CDKN2B-AS1: variants seen among roughly 807,000 people sequenced by gnomAD.
CDKN2B-AS1 encodes CDKN2B antisense RNA 1 (non-protein coding).
chr9:22,027,534 A>C (rs1822291783), intron 1 of CDKN2B-AS1, among the ~76,000 whole-genome samples: 2 of 152,230 alleles, frequency 1.3e-5, no homozygotes, highest in South Asian at 4.1e-4. Flanking sequence ...AAACAATATT[A>C]GTATTAGAAA....
chr9:22,003,804 C>T (rs1384678517), intron 1 of CDKN2B-AS1: 6 of 231,690 alleles, frequency 2.6e-5, no homozygotes, highest in African/African-American at 4.4e-5. Context: ...TCAAACAAAC[C>T]GTTTATATTT....
chr9:22,055,245 T>A (rs570711274), intron 3 of CDKN2B-AS1, among the ~76,000 whole-genome samples: 1 of 152,346 alleles, frequency 6.6e-6, no homozygotes, highest in Admixed American at 6.5e-5. Context: ...ATATCTGTCA[T>A]CTCATATGCA....
At chr9:22,055,048 C>T (rs567844182) in intron 3 of CDKN2B-AS1, among the ~76,000 whole-genome samples, 3 of 152,282 alleles carry the variant, frequency 2.0e-5, no homozygotes, top group East Asian at 3.9e-4. Flanking sequence ...CCACCACGCC[C>T]AGCCTGCCTG....
chr9:22,062,615 C>T (rs1823867747), intron 4 of CDKN2B-AS1, among the ~76,000 whole-genome samples: 1 of 152,016 alleles, frequency 6.6e-6, no homozygotes, highest in Admixed American at 6.6e-5. Flanking sequence ...GAGGTAGTCT[C>T]TGTGTTTCTT....
intron 4 of CDKN2B-AS1, among the ~76,000 whole-genome samples, chr9:22,085,614 G>A (rs1014509775): frequency 6.6e-6 from 1 of 151,700 alleles, no homozygotes; most frequent in Non-Finnish European, 1.5e-5. Flanking sequence ...CCAGGTACTC[G>A]GGAAGCTGAG....
At chr9:22,012,522 C>G in intron 1 of CDKN2B-AS1, 1 of 639,020 alleles carries the variant, frequency 1.6e-6, no homozygotes, top group Non-Finnish European at 3.0e-6. Context: ...AACCTGCACC[C>G]CAAGAAGGTC....
At chr9:22,051,276 A>G (rs1823333790) in intron 3 of CDKN2B-AS1, among the ~76,000 whole-genome samples, 1 of 152,056 alleles carries the variant, frequency 6.6e-6, no homozygotes, top group African/African-American at 2.4e-5. Context: ...TATTTTTTAA[A>G]CCCGAGTAGC....
At chr9:22,025,019 T>C (rs987241123) in intron 1 of CDKN2B-AS1, among the ~76,000 whole-genome samples, 2 of 152,156 alleles carry the variant, frequency 1.3e-5, no homozygotes, top group African/African-American at 4.8e-5. Flanking sequence ...GGCCAAAGTC[T>C]ATTATGGGAG....
chr9:22,019,759 A>G (rs1171257011), intron 1 of CDKN2B-AS1, among the ~76,000 whole-genome samples: 1 of 152,212 alleles, frequency 6.6e-6, no homozygotes, highest in East Asian at 1.9e-4. Context: ...ATTTGAGTAT[A>G]GAAAATTAGC....
At chr9:22,078,862 A>C (rs1382334140) in intron 4 of CDKN2B-AS1, among the ~76,000 whole-genome samples, 1 of 152,182 alleles carries the variant, frequency 6.6e-6, no homozygotes, top group African/African-American at 2.4e-5. Context: ...TTATTTGCTT[A>C]AGAGAGGAGC....
At position 22,031,285 on chromosome 9, in the gene CDKN2B-AS1, A is replaced by G. The variant is rs531197150; in HGVS notation, n.30-15466A>G. ...CAAATACCTTAAAAGAGTTACACCTACAGTCCATATACCACCCATAATCAT... is the reference window on the plus strand; with the variant it reads ...CAAATACCTTAAAAGAGTTACACCTGCAGTCCATATACCACCCATAATCAT... On this transcript the variant is annotated intron_variant and non_coding_transcript_variant, in intron 1 of 4. Transcript: ENST00000650946. Among the ~76,000 whole-genome samples the G allele has an allele frequency of 3.9e-5, 6 of 152,302 alleles. No homozygotes were observed. In the East Asian group the frequency reaches 9.7e-4, roughly 25 times the overall value.
At chr9:22,076,557 A>T (rs1196552537) in intron 4 of CDKN2B-AS1, among the ~76,000 whole-genome samples, 1 of 152,212 alleles carries the variant, frequency 6.6e-6, no homozygotes, top group African/African-American at 2.4e-5. Context: ...TGGTTATTAC[A>T]ATGAAACAAA....
chr9:22,096,598 C>T (rs1364088217), intron 4 of CDKN2B-AS1: 1 of 152,212 alleles, frequency 6.6e-6, no homozygotes, highest in East Asian at 1.9e-4. Context: ...GTAGTGCCTT[C>T]TGGTTAAAAT....
At position 22,062,972 on chromosome 9, in the gene CDKN2B-AS1, G is replaced by GACACAC. The variant is rs1338866723; in HGVS notation, n.438+6588_438+6589insCACACA. On this transcript the variant is annotated intron_variant and non_coding_transcript_variant, in intron 4 of 4. Transcript: ENST00000650946. The stretch of plus-strand genomic sequence containing the variant: ...AAGTGACTTGTGTGTGTGTGTGAAA[G>GACACAC]ACAGACACACACACATATATATATA... 6.3e-5 allele frequency among the ~76,000 whole-genome samples: 3 copies of GACACAC among 47,574 alleles called. No individual in the cohort carries two copies. In the African/African-American group the frequency reaches 8.4e-4, roughly 13 times the overall value. The allele number at this position is 47,574 out of a possible 152,430, so 31.2% of individuals were successfully genotyped here.
intron 1 of CDKN2B-AS1, among the ~76,000 whole-genome samples, chr9:22,020,735 C>T (rs1320513228): frequency 6.6e-6 from 1 of 151,848 alleles, no homozygotes; most frequent in Admixed American, 6.6e-5. Flanking sequence ...GTGTTTTATT[C>T]TTGTAAATTT....
At chr9:22,024,823 G>T (rs987143009) in intron 1 of CDKN2B-AS1, among the ~76,000 whole-genome samples, 3 of 152,168 alleles carry the variant, frequency 2.0e-5, no homozygotes, top group Non-Finnish European at 2.9e-5. Context: ...GCGCAGTAAG[G>T]GCTGTCTTGC....
intron 4 of CDKN2B-AS1, among the ~76,000 whole-genome samples, chr9:22,074,039 T>A (rs1220753925): frequency 6.6e-6 from 1 of 151,972 alleles, no homozygotes; most frequent in Non-Finnish European, 1.5e-5. Flanking sequence ...AATTTTTGTA[T>A]TTTTGTAGAG....
Position 22,095,852 on chromosome 9 carries a change from T to C in CDKN2B-AS1, n.439-31251T>C, listed in dbSNP as rs2891167. Among the ~76,000 whole-genome samples the C allele has an allele frequency of 3.9e-3, 595 of 151,010 alleles. 9 individuals carry two copies. Among genetic ancestry groups the C allele is most frequent in the African/African-American group, 0.014 (562 of 40,804 alleles). On this transcript the variant is annotated intron_variant and non_coding_transcript_variant, in intron 4 of 4. Coordinates refer to ENST00000650946, the Ensembl canonical transcript of CDKN2B-AS1. ...CTTACCATTATGTAATGGCCTTCTT[T>C]GTCTCTTTTGATTTTGTTGGTTTAA...
chr9:22,082,931 T>G (rs1056764828), intron 4 of CDKN2B-AS1, among the ~76,000 whole-genome samples: 5 of 152,112 alleles, frequency 3.3e-5, no homozygotes, highest in African/African-American at 1.2e-4. Flanking sequence ...TCATTAGAGG[T>G]TCAGGCTTGA....
Sources: gnomAD v4.1 joint callset for allele counts (sites outside exome capture counted in the v4.1 genomes callset) on GRCh38, gnomAD v4.1.1 for gene constraint, MANE v1.5 for transcripts, NCBI Gene and HGNC (gene_info 2026-07-23, HGNC 2026-07-21) for gene names.